The following FGF13 variants were observed in gnomAD, a reference collection of about 807,000 sequenced individuals.
FGF13 encodes fibroblast growth factor 13.
A neutral mutation model predicts 19.5 loss-of-function variants in FGF13; 2 were observed. That is an observed-to-expected ratio of 0.10 (90% CI 0.04 to 0.32). FGF13 has a LOEUF of 0.32. FGF13 is among the 10% of genes least tolerant of loss of function. The probability of loss-of-function intolerance (pLI) is 1.00; values close to 1 mark genes in which losing one functional copy is unlikely to be tolerated. For synonymous variants in FGF13, 72 were observed against 76.9 expected (o/e 0.94, Z 0.33); for missense variants, 113 against 192.7 (o/e 0.59, Z 2.45).
chrX:138,761,604 T>C (rs2090466665), intron 3 of FGF13, among the ~76,000 whole-genome samples: 1 of 111,638 alleles, frequency 9.0e-6, no homozygotes, highest in Admixed American at 9.5e-5. Flanking sequence ...AAGCAGCGAC[T>C]GTGACTAGGG....
chrX:139,144,140 G>A (rs1298552501), intron 1 of FGF13, among the ~76,000 whole-genome samples: 1 of 111,488 alleles, frequency 9.0e-6, no homozygotes, highest in Non-Finnish European at 1.9e-5. Flanking sequence ...GCCTGGGATG[G>A]CGTACTCACT....
At chrX:139,202,932 C>T (rs1472535312) in intron 1 of FGF13, among the ~76,000 whole-genome samples, 1 of 102,525 alleles carries the variant, frequency 9.8e-6, no homozygotes, top group Admixed American at 9.7e-5. Flanking sequence ...CCCACTCCAG[C>T]GTCTGCTCCG....
At chrX:138,979,717 C>T (rs906815645) in intron 1 of FGF13, among the ~76,000 whole-genome samples, 9 of 111,159 alleles carry the variant, frequency 8.1e-5, no homozygotes, top group African/African-American at 2.0e-4. Flanking sequence ...CCCTGGAGAG[C>T]AAAGCAGAGT....
chrX:138,831,958 T>TCTC (rs1280885828), intron 3 of FGF13, among the ~76,000 whole-genome samples: 1 of 111,865 alleles, frequency 8.9e-6, no homozygotes, highest in Non-Finnish European at 1.9e-5. Context: ...GCTCCTGTGT[T>TCTC]AGTTTGCTAA....
intron 1 of FGF13, among the ~76,000 whole-genome samples, chrX:139,099,904 G>C (rs2083496952): frequency 9.0e-6 from 1 of 110,870 alleles, no homozygotes; most frequent in Non-Finnish European, 1.9e-5. Context: ...TTTTAGATTA[G>C]TTAAGTCCAG....
chrX:138,823,152 A>T (rs1452239306), intron 3 of FGF13, among the ~76,000 whole-genome samples: 1 of 111,304 alleles, frequency 9.0e-6, no homozygotes, highest in Non-Finnish European at 1.9e-5. Flanking sequence ...CTGGAACAAG[A>T]GAAGCTTTGA....
At chrX:139,082,375 T>G (rs1029800815) in intron 1 of FGF13, among the ~76,000 whole-genome samples, 3 of 111,762 alleles carry the variant, frequency 2.7e-5, no homozygotes, top group African/African-American at 9.8e-5. Context: ...AATGCCTCCC[T>G]CCACCCAAAC....
chrX:138,666,311 AAT>A (rs1373083119), intron 3 of FGF13, among the ~76,000 whole-genome samples: 1 of 111,526 alleles, frequency 9.0e-6, no homozygotes. Flanking sequence ...AAAAGAAAAA[AAT>A]GTGTTTTTAT....
intron 3 of FGF13, among the ~76,000 whole-genome samples, chrX:138,646,935 C>T (rs1425288697): frequency 2.7e-5 from 3 of 110,890 alleles, no homozygotes; most frequent in Non-Finnish European, 3.8e-5. Flanking sequence ...ATTTGCTTTC[C>T]CCAATTCTAT....
chrX:138,840,393 G>GAGA (rs2091142649), intron 3 of FGF13, among the ~76,000 whole-genome samples: 1 of 111,860 alleles, frequency 8.9e-6, no homozygotes, highest in Non-Finnish European at 1.9e-5. Context: ...TACACACAGG[G>GAGA]AGAATATGGA....
intron 3 of FGF13, among the ~76,000 whole-genome samples, chrX:138,796,232 C>T (rs763949602): frequency 1.8e-5 from 2 of 110,429 alleles, no homozygotes; most frequent in East Asian, 5.8e-4. Flanking sequence ...GTCCCCCACC[C>T]GCCGATAGGC....
At chrX:139,131,385 GTGTGTGT>G (rs1569456251) in intron 1 of FGF13, among the ~76,000 whole-genome samples, 67 of 2,369 alleles carry the variant, frequency 0.028, no homozygotes, top group African/African-American at 0.12. Flanking sequence ...ATAGAGGGGT[GTGTGTGT>G]GTGTGTGTGT....
chrX:138,904,777 A>C (rs1020970669), intron 1 of FGF13, among the ~76,000 whole-genome samples: 1 of 111,501 alleles, frequency 9.0e-6, no homozygotes, highest in Middle Eastern at 4.6e-3. Flanking sequence ...GGGAAAAGGG[A>C]CATGCGCGCT....
intron 1 of FGF13, among the ~76,000 whole-genome samples, chrX:138,991,082 A>G (rs374196931): frequency 8.9e-6 from 1 of 112,152 alleles, no homozygotes; most frequent in Non-Finnish European, 1.9e-5. Flanking sequence ...CTCGAAGTCA[A>G]ACTATCAAGA....
At chrX:138,645,491 G>A (rs2089297059) in intron 3 of FGF13, among the ~76,000 whole-genome samples, 1 of 111,981 alleles carries the variant, frequency 8.9e-6, no homozygotes, top group Non-Finnish European at 1.9e-5. Flanking sequence ...CAATTCGTGT[G>A]TTTTCTGATC....
chrX:138,781,907 C>G (rs1362178912), intron 3 of FGF13, among the ~76,000 whole-genome samples: 10 of 112,029 alleles, frequency 8.9e-5, no homozygotes, highest in African/African-American at 2.6e-4. Flanking sequence ...CAAAAACCCT[C>G]AATAAAATAC....
chrX:139,088,814 G>T (rs2083421201), intron 1 of FGF13, among the ~76,000 whole-genome samples: 1 of 111,584 alleles, frequency 9.0e-6, no homozygotes, highest in Non-Finnish European at 1.9e-5. Flanking sequence ...TCCTAGCCTC[G>T]AAGTTCATGG....
chrX:138,825,640 G>A (rs1486518430), intron 3 of FGF13, among the ~76,000 whole-genome samples: 1 of 111,533 alleles, frequency 9.0e-6, no homozygotes, highest in Non-Finnish European at 1.9e-5. Context: ...GTGACCTCAG[G>A]CAAGTTACCT....
At chrX:138,725,875 A>T (rs1261727065) in intron 1 of FGF13, among the ~76,000 whole-genome samples, 3 of 111,669 alleles carry the variant, frequency 2.7e-5, no homozygotes, top group African/African-American at 9.8e-5. Context: ...CATTATAATA[A>T]GGCAACATTT....
Sources: allele counts gnomAD v4.1 joint callset (sites outside exome capture counted in the v4.1 genomes callset), GRCh38; gene constraint gnomAD v4.1.1; transcripts MANE v1.5; gene names NCBI Gene and HGNC (gene_info 2026-07-23, HGNC 2026-07-21).